The following CFAP46 variants were observed in gnomAD, a reference collection of about 807,000 sequenced individuals.
CFAP46 encodes the protein cilia and flagella associated protein 46.
In CFAP46, 245 loss-of-function variants were observed where a neutral mutation model predicts 325.7. That is an observed-to-expected ratio of 0.75 (90% CI 0.68 to 0.84). The LOEUF is 0.84. Among genes scored for constraint, CFAP46 ranks in the 40% least tolerant of loss-of-function variants. The pLI, the probability that CFAP46 is intolerant of heterozygous loss-of-function variation, is 0.00. For synonymous variants in CFAP46, 1,523 were observed against 1,495.9 expected (o/e 1.02, Z -0.42); for missense variants, 3,346 against 3,543.0 (o/e 0.94, Z 1.41).
At chr10:132,881,263 C>T (rs79654115) in intron 27 of CFAP46, among the ~76,000 whole-genome samples, 3,834 of 152,218 alleles carry the variant, frequency 0.025, 68 homozygotes, top group Non-Finnish European at 0.042. Context: ...TGCAGCTTGG[C>T]GAATTCCTTC....
intron 1 of CFAP46, 57 bp from the exon 2 acceptor site, chr10:132,942,161 G>A (rs1850115036): frequency 1.9e-6 from 3 of 1,542,392 alleles, no homozygotes; most frequent in South Asian, 2.4e-5. Flanking sequence ...GAAGTGAGCC[G>A]GGCAACGCCA....
At chr10:132,823,143 CTGA>C (rs1357934719) in intron 50 of CFAP46, among the ~76,000 whole-genome samples, 7 of 118,214 alleles carry the variant, frequency 5.9e-5, no homozygotes, top group Admixed American at 2.0e-4. Context: ...GCTCTGTGTG[CTGA>C]TGTGTGCTGT....
At chr10:132,830,857 GAAGA>G in intron 50 of CFAP46, among the ~76,000 whole-genome samples, 1 of 152,218 alleles carries the variant, frequency 6.6e-6, no homozygotes, top group South Asian at 2.1e-4. Context: ...TCTAATTTCT[GAAGA>G]TAGAAATAGC....
rs1849330158 is a variant in CFAP46, at chr10:132,897,105, TAACTC to T, written c.3219+1849_3219+1853del. 2.0e-5 allele frequency among the ~76,000 whole-genome samples: 3 copies of T among 152,160 alleles called. No homozygotes were observed. The South Asian group carries it at 6.2e-4, about 31-fold the overall frequency. ...TTTACCTAATACCATATGCAAAACT[TAACTC>T]AAATGGATCAAAGATCTAAACTTAA... On this transcript the variant is annotated intron_variant, in intron 24 of 57. Coordinates refer to ENST00000368586, the MANE Select transcript of CFAP46 (RefSeq NM_001200049.3).
chr10:132,883,157 A>G (rs1034162809), intron 27 of CFAP46, among the ~76,000 whole-genome samples: 6 of 152,190 alleles, frequency 3.9e-5, no homozygotes, highest in Non-Finnish European at 7.3e-5. Context: ...TTGTGCCACA[A>G]ATCATGGCAT....
At chr10:132,834,863 G>A (rs1042063372) in intron 47 of CFAP46, 88 bp from the exon 48 acceptor site, 3 of 1,480,560 alleles carry the variant, frequency 2.0e-6, no homozygotes, top group Admixed American at 4.8e-5. Flanking sequence ...GAAAGGCCGA[G>A]CTCCTGCCCC....
chr10:132,918,551 GT>G (rs1564800552), intron 15 of CFAP46, 31 bp from the exon 16 acceptor site: 1 of 1,495,682 alleles, frequency 6.7e-7, no homozygotes, highest in Non-Finnish European at 9.0e-7. Context: ...TAAGGATCAT[GT>G]TTTTTTCTAG....
chr10:132,900,176 G>C (rs1228742824), intron 22 of CFAP46, among the ~76,000 whole-genome samples: 1 of 152,192 alleles, frequency 6.6e-6, no homozygotes, highest in Non-Finnish European at 1.5e-5. Flanking sequence ...TGCAGCAACA[G>C]ATCCACAGAA....
At chr10:132,898,893 G>T in intron 24 of CFAP46, 66 bp downstream of exon 24, 1 of 1,526,072 alleles carries the variant, frequency 6.6e-7, no homozygotes, top group Non-Finnish European at 8.9e-7. Flanking sequence ...AGTCTCTCCG[G>T]TCCTTTCTGG....
intron 44 of CFAP46, 165 bp from the exon 45 acceptor site, chr10:132,837,079 A>C (rs1482368190): frequency 1.8e-6 from 1 of 567,992 alleles, no homozygotes; most frequent in South Asian, 2.2e-5. Flanking sequence ...GCTGGAAGTG[A>C]CTCGGGGCTG....
intron 39 of CFAP46, among the ~76,000 whole-genome samples, chr10:132,854,984 G>A (rs1394880232): frequency 6.6e-6 from 1 of 152,164 alleles, no homozygotes; most frequent in African/African-American, 2.4e-5. Flanking sequence ...TGCACACAAA[G>A]AGCATCTTAT....
At chr10:132,860,327 T>C (rs1269246264) in intron 37 of CFAP46, 90 bp downstream of exon 37, 9 of 949,918 alleles carry the variant, frequency 9.5e-6, no homozygotes, top group Middle Eastern at 2.1e-4. Flanking sequence ...TGAACTTGCA[T>C]AGACTTGACG....
In CFAP46 at chr10:132,834,911, G is replaced by A. The variant is rs577509471; in HGVS notation, c.6745-136C>T. 268 of 1,255,790 alleles carry A rather than the reference G, an allele frequency of 2.1e-4. 6 individuals carry two copies. In the South Asian group the frequency reaches 3.9e-3, roughly 18 times the overall value. 77.8% of individuals were successfully genotyped at this position (1,255,790 alleles called of 1,614,324 possible). ...CATGGTGGACAAGGGCACCTGGCTC[G>A]GCAACGAGGGCCCCATAGCACCTGG... is the stretch of plus-strand genomic sequence containing the variant. On this transcript the variant is annotated intron_variant, in intron 47 of 57. Coordinates refer to ENST00000368586, the MANE Select transcript of CFAP46 (RefSeq NM_001200049.3).
chr10:132,885,906 T>C lies in CFAP46; in HGVS notation c.3358A>G (p.Ser1120Gly). 1.3e-6 allele frequency: 2 copies of C among 1,550,086 alleles called. No individual in the cohort carries two copies. The highest frequency in any genetic ancestry group is 1.7e-6 in the Non-Finnish European group (2 of 1,146,812). Residue 1120 changes from serine (S) to glycine (G), a missense_variant, in exon 26 of 58, where the codon AGC becomes GGC. By Grantham distance (56) the Ser-to-Gly change is moderately conservative (BLOSUM62 0). Coordinates refer to ENST00000368586, the MANE Select transcript of CFAP46 (RefSeq NM_001200049.3). ...TCCCAGTCGTCCTGGTCGGCATGGC[T>C]GTGGAAGAGCAGGCCGTAGAGCGCA... is the stretch of plus-strand genomic sequence containing the variant. ...RAALYGLLFH[S>G]HADQDDWEGG... is the part of the protein sequence containing the mutation.
Position 132,859,105 on chromosome 10 carries a change from C to T in CFAP46, c.5341G>A (p.Val1781Ile), listed in dbSNP as rs73391295. 0.032 allele frequency: 48,907 copies of T among 1,550,884 alleles called. 3,977 individuals carry two copies. Among genetic ancestry groups the T allele is most frequent in the African/African-American group, 0.3 (22,220 of 73,078 alleles). ...TTCGCACGCTCTAGTTTTACGTCAA[C>T]ACAATTCTCTTTGCAGCCACAGTCG... ...FIDCGCKENC[V>I]DVKLERAKIK... The change falls in exon 38 of 58, where the codon GTT (valine) becomes ATT (isoleucine). Residue 1781 changes from valine to isoleucine, a missense_variant. By Grantham distance (29) the Val-to-Ile change is conservative. Coordinates refer to ENST00000368586, the MANE Select transcript of CFAP46 (RefSeq NM_001200049.3).
chr10:132,850,944 T>G (rs902183380), intron 40 of CFAP46, among the ~76,000 whole-genome samples, 173 bp downstream of exon 40: 2 of 152,168 alleles, frequency 1.3e-5, no homozygotes, highest in African/African-American at 4.8e-5. Flanking sequence ...CAATTCAGTC[T>G]CCTCAAATGG....
Position 132,937,624 on chromosome 10 carries a change from C to T in CFAP46, c.588G>A (p.Arg196=). 6.2e-7 allele frequency: 1 copy of T among 1,613,180 alleles called. No homozygotes were observed. The highest frequency in any genetic ancestry group is 8.5e-7 in the Non-Finnish European group (1 of 1,179,788). The change falls in exon 6 of 58, where the codon AGG becomes AGA. Residue 196 remains arginine, a synonymous_variant. Coordinates refer to ENST00000368586, the MANE Select transcript of CFAP46 (RefSeq NM_001200049.3). Reference sequence around the variant, plus strand: ...TGAACGGAGCTGCCGTGGAGCAGAACCTGGCAGCCTCCTCCTTTCTTCCGG... The same window carrying T: ...TGAACGGAGCTGCCGTGGAGCAGAATCTGGCAGCCTCCTCCTTTCTTCCGG... ...LQAGRKEEAA[R]FCSTAAPFIK...
chr10:132,833,617 C>A (rs1027934154), intron 49 of CFAP46, 92 bp from the exon 50 acceptor site: 1 of 1,427,134 alleles, frequency 7.0e-7, no homozygotes, highest in South Asian at 1.3e-5. Context: ...GGCTGCTGGG[C>A]GCTGGGAAAG....
At chr10:132,878,741 T>A (rs1848994188) in intron 29 of CFAP46, among the ~76,000 whole-genome samples, 1 of 152,128 alleles carries the variant, frequency 6.6e-6, no homozygotes, top group African/African-American at 2.4e-5. Context: ...CTCCCTGCCT[T>A]TCCTGCTCTG....
Sources: allele counts gnomAD v4.1 joint callset (sites outside exome capture counted in the v4.1 genomes callset), GRCh38; gene constraint gnomAD v4.1.1; transcripts MANE v1.5; gene names NCBI Gene and HGNC (gene_info 2026-07-23, HGNC 2026-07-21).